SCUBE3: variants seen among roughly 807,000 people sequenced by gnomAD.
The protein encoded by SCUBE3 is signal peptide, CUB and EGF-like domain-containing protein 3.
SCUBE3 carries 33 observed loss-of-function variants against 116.8 expected under a neutral mutation model. That is an observed-to-expected ratio of 0.28 (90% confidence interval 0.21 to 0.38). The LOEUF (loss-of-function observed/expected upper bound fraction) is 0.38. Among genes scored for constraint, SCUBE3 ranks in the 10% least tolerant of loss-of-function variants. The pLI is 1.00. For synonymous variants in SCUBE3, 418 were observed against 496.9 expected, an observed-to-expected ratio of 0.84 and a Z score of 2.11; for missense variants, 1,007 against 1,324.8, an observed-to-expected ratio of 0.76 and a Z score of 3.72.
intron 7 of SCUBE3, 56 bp downstream of exon 7, chr6:35,238,074 G>A: frequency 9.6e-7 from 1 of 1,037,712 alleles, no homozygotes; most frequent in South Asian, 1.4e-5. Flanking sequence ...GCTGAGGTTG[G>A]GACCAGAGAT....
chr6:35,219,277 C>T lies in SCUBE3; in HGVS notation c.85+4774C>T, dbSNP rs532910878. On this transcript the variant is annotated intron_variant, in intron 1 of 21. Transcript: ENST00000274938. The surrounding 1 kb of genome is among the most constrained non-coding windows in gnomAD (Gnocchi z 4.7). ...AGTTGGGAAGTGGAGCTGAAATATC[C>T]GTGTTATGGGAACTGAATATTCTTG... 3.3e-5 allele frequency among the ~76,000 whole-genome samples: 5 copies of T among 152,128 alleles called. No homozygotes were observed. The highest frequency in any genetic ancestry group is 6.6e-5 in the Admixed American group (1 of 15,260).
Position 35,245,862 on chromosome 6 carries a change from C to A in SCUBE3, c.2600-82C>A, listed in dbSNP as rs2150315771. On this transcript the variant is annotated intron_variant, in intron 19 of 21. Coordinates refer to ENST00000274938, the MANE Select transcript of SCUBE3 (RefSeq NM_152753.4). This position sits in a 1 kb window ranked among gnomAD's most constrained non-coding sequence, Gnocchi z 4.2. ...ATGATTCTCTTGCCCTATACCCCCA[C>A]CACCAGCTGTACAGCCCACGTTCTA... 6.9e-7 allele frequency: 1 copy of A among 1,447,702 alleles called. No homozygotes were observed. Among genetic ancestry groups the A allele is most frequent in the Non-Finnish European group, 9.5e-7 (1 of 1,050,120 alleles). The allele number at this position is 1,447,702 out of a possible 1,614,324, so 89.7% of individuals were successfully genotyped here. A position where few individuals can be genotyped will look rare whatever the true frequency, so the allele number is the denominator to read the frequency against.
chr6:35,242,760 T>G lies in SCUBE3; in HGVS notation c.1673T>G (p.Val558Gly), dbSNP rs747731995. ...TRLTLELEAE[V>G]RAEETTASCG... is the part of the protein sequence containing the mutation. ...CTCACCCTGGAACTGGAGGCAGAGG[T>G]CAGAGCCGAAGAAACCACAGGTGGG... Residue 558 changes from valine (V) to glycine (G), a missense_variant, in exon 14 of 22, where the codon GTC becomes GGC. Val to Gly is a moderately radical substitution (Grantham distance 109). This residue lies in a region of SCUBE3 where 544 missense variants were observed against 638.9 expected (regional missense o/e 0.85). Coordinates refer to ENST00000274938, the MANE Select transcript of SCUBE3 (RefSeq NM_152753.4). 6.2e-7 allele frequency: 1 copy of G among 1,613,340 alleles called. No homozygotes were observed. Among genetic ancestry groups the G allele is most frequent in the Admixed American group, 1.7e-5 (1 of 59,980 alleles).
chr6:35,241,497 G>A lies in SCUBE3; in HGVS notation c.1196-46G>A. The A allele has an allele frequency of 7.3e-7, 1 of 1,374,650 alleles. No homozygotes were observed. 85.2% of individuals were successfully genotyped at this position (1,374,650 alleles called of 1,614,324 possible). ...TGATTCCTCCAAATTACCCAACTGA[G>A]GGAAAGGAATGCATTCATTTGCTCA... On this transcript the variant is annotated intron_variant, in intron 10 of 21. Coordinates refer to ENST00000274938, the MANE Select transcript of SCUBE3 (RefSeq NM_152753.4). This position sits in a 1 kb window ranked among gnomAD's most constrained non-coding sequence, Gnocchi z 4.1.
chr6:35,247,710 T>G (rs1784405833), intron 21 of SCUBE3, among the ~76,000 whole-genome samples: 1 of 152,176 alleles, frequency 6.6e-6, no homozygotes, highest in South Asian at 2.1e-4. Flanking sequence ...CTGATTAAAG[T>G]GGGGTAAGAG....
In SCUBE3 at chr6:35,214,477, C is replaced by G. The variant is rs1782807002; in HGVS notation, c.59C>G (p.Ala20Gly). 1 of 1,505,614 alleles carries G rather than the reference C, an allele frequency of 6.6e-7. No homozygotes were observed. Among genetic ancestry groups the G allele is most frequent in the Non-Finnish European group, 8.8e-7 (1 of 1,131,300 alleles). The allele number at this position is 1,505,614 out of a possible 1,614,324, so 93.3% of individuals were successfully genotyped here. The stretch of plus-strand genomic sequence containing the variant: ...CTTGTCCTGCTGGTCCACGCCCGCG[C>G]CGCCCAGTACAGCAAAGCCGCGCAA... The part of the protein sequence containing the change: ...CLLVLLVHAR[A>G]AQYSKAAQDV... The change falls in exon 1 of 22, where the codon GCC becomes GGC. Residue 20 changes from alanine (A) to glycine (G), a missense_variant. Physicochemically the swap from Ala to Gly is moderately conservative, Grantham distance 60. This residue lies in a region of SCUBE3 where 94 missense variants were observed against 92.0 expected (regional missense o/e 1.02). Coordinates refer to ENST00000274938, the MANE Select transcript of SCUBE3 (RefSeq NM_152753.4). This position sits in a 1 kb window ranked among gnomAD's most constrained non-coding sequence, Gnocchi z 6.3.
intron 21 of SCUBE3, among the ~76,000 whole-genome samples, chr6:35,246,646 C>G (rs765977792): frequency 3.3e-5 from 5 of 152,214 alleles, no homozygotes; most frequent in African/African-American, 9.6e-5. Flanking sequence ...GCATAAGTCC[C>G]TTCCTTCCCC....
chr6:35,245,886 T>C lies in SCUBE3; in HGVS notation c.2600-58T>C. ...ACCACCAGCTGTACAGCCCACGTTCTAGGAGGGCTTGGGTAGCCTGCCCTG... is the reference window on the plus strand; with the variant it reads ...ACCACCAGCTGTACAGCCCACGTTCCAGGAGGGCTTGGGTAGCCTGCCCTG... On this transcript the variant is annotated intron_variant, in intron 19 of 21. Transcript: ENST00000274938. This position sits in a 1 kb window ranked among gnomAD's most constrained non-coding sequence, Gnocchi z 4.2. 6.3e-7 allele frequency: 1 copy of C among 1,588,248 alleles called. No homozygotes were observed. Among genetic ancestry groups the C allele is most frequent in the Non-Finnish European group, 8.6e-7 (1 of 1,162,204 alleles).
intron 2 of SCUBE3, 113 bp downstream of exon 2, chr6:35,227,815 A>C: frequency 3.6e-6 from 4 of 1,122,900 alleles, no homozygotes; most frequent in African/African-American, 1.5e-5. Context: ...TCCACTGGTC[A>C]AGTGGTGGGG....
rs1050766582 is a variant in SCUBE3, at chr6:35,245,841, T to G, written c.2600-103T>G. 3.3e-6 allele frequency: 4 copies of G among 1,221,962 alleles called. No individual in the cohort carries two copies. The South Asian group carries it at 5.7e-5, about 17-fold the overall frequency. The allele number at this position is 1,221,962 out of a possible 1,614,324, so 75.7% of individuals were successfully genotyped here. A position where few individuals can be genotyped will look rare whatever the true frequency, so the allele number is the denominator to read the frequency against. On this transcript the variant is annotated intron_variant, in intron 19 of 21. Transcript: ENST00000274938. The surrounding 1 kb of genome is among the most constrained non-coding windows in gnomAD (Gnocchi z 4.2). ...GAAGGGGGAGCCTTTGTCAGAATGA[T>G]TCTCTTGCCCTATACCCCCACCACC...
intron 7 of SCUBE3, among the ~76,000 whole-genome samples, chr6:35,238,736 G>A (rs1783888877): frequency 6.6e-6 from 1 of 152,220 alleles, no homozygotes; most frequent in Non-Finnish European, 1.5e-5. Flanking sequence ...TAATTAGCCA[G>A]GTCTGAGGGA....
chr6:35,252,760 C>T lies in SCUBE3; in HGVS notation c.*4055C>T, dbSNP rs1784597631. 1.3e-5 allele frequency: 2 copies of T among 152,342 alleles called. No individual in the cohort carries two copies. Among genetic ancestry groups the T allele is most frequent in the South Asian group, 4.1e-4 (2 of 4,826 alleles). The allele number at this position is 152,342 out of a possible 1,614,324, so 9.4% of individuals were successfully genotyped here. On this transcript the variant is annotated 3_prime_UTR_variant, in exon 22 of 22. Coordinates refer to ENST00000274938, the MANE Select transcript of SCUBE3 (RefSeq NM_152753.4). The stretch of plus-strand genomic sequence containing the variant: ...CCCAGTTGTCATCAGCTTTTTTAGA[C>T]ACCACAGGTTGTAGCAGTTTGAACA...
chr6:35,220,771 C>T (rs1250796559), intron 1 of SCUBE3: 1 of 152,198 alleles, frequency 6.6e-6, no homozygotes, highest in Non-Finnish European at 1.5e-5. Flanking sequence ...GGAGAGGATA[C>T]TGTTTTTAAA....
Position 35,239,668 on chromosome 6 carries a change from C to T in SCUBE3, c.830-84C>T. 7.5e-7 allele frequency: 1 copy of T among 1,327,110 alleles called. No homozygotes were observed. Among genetic ancestry groups the T allele is most frequent in the South Asian group, 1.3e-5 (1 of 78,396 alleles). 82.2% of individuals were successfully genotyped at this position (1,327,110 alleles called of 1,614,324 possible). A position where few individuals can be genotyped will look rare whatever the true frequency, so the allele number is the denominator to read the frequency against. On this transcript the variant is annotated intron_variant, in intron 7 of 21. Coordinates refer to ENST00000274938, the MANE Select transcript of SCUBE3 (RefSeq NM_152753.4). The surrounding 1 kb of genome is among the most constrained non-coding windows in gnomAD (Gnocchi z 4.1). Reference sequence around the variant, plus strand: ...AGGACTCCTTGATTTTTGCATGTCTCTGTCAGTGAGGGAGGGATCTTTCTC... The same window carrying T: ...AGGACTCCTTGATTTTTGCATGTCTTTGTCAGTGAGGGAGGGATCTTTCTC...
chr6:35,241,041 G>A lies in SCUBE3; in HGVS notation c.1070-100G>A. The A allele has an allele frequency of 8.8e-7, 1 of 1,138,096 alleles. No individual in the cohort carries two copies. The highest frequency in any genetic ancestry group is 1.3e-6 in the Non-Finnish European group (1 of 789,856). The allele number at this position is 1,138,096 out of a possible 1,614,324, so 70.5% of individuals were successfully genotyped here. On this transcript the variant is annotated intron_variant, in intron 9 of 21. Coordinates refer to ENST00000274938, the MANE Select transcript of SCUBE3 (RefSeq NM_152753.4). The surrounding 1 kb of genome is among the most constrained non-coding windows in gnomAD (Gnocchi z 4.1). ...ACTTATTCATCTTGCGTAATGCAGGGTACCTGAAACTCTAACCAAAGGCCC... is the reference window on the plus strand; with the variant it reads ...ACTTATTCATCTTGCGTAATGCAGGATACCTGAAACTCTAACCAAAGGCCC...
chr6:35,227,616 A>G lies in SCUBE3; in HGVS notation c.122A>G (p.His41Arg). The part of the protein sequence containing the change: ...DECVEGTDNC[H>R]IDAICQNTPR... Reference sequence around the variant, plus strand: ...TGTGTGGAGGGGACTGACAACTGCCACATCGATGCTATCTGCCAGAACACC... The same window carrying G: ...TGTGTGGAGGGGACTGACAACTGCCGCATCGATGCTATCTGCCAGAACACC... The change falls in exon 2 of 22, where the codon CAC becomes CGC. Residue 41 changes from histidine (H) to arginine (R), a missense_variant. His to Arg is a conservative substitution (Grantham distance 29, BLOSUM62 0). This residue lies in a region of SCUBE3 where 94 missense variants were observed against 92.0 expected (regional missense o/e 1.02). Coordinates refer to ENST00000274938, the MANE Select transcript of SCUBE3 (RefSeq NM_152753.4). 6.2e-7 allele frequency: 1 copy of G among 1,614,100 alleles called. No homozygotes were observed. The highest frequency in any genetic ancestry group is 1.1e-5 in the South Asian group (1 of 91,076).
chr6:35,239,999 C>A lies in SCUBE3; in HGVS notation c.952+125C>A. On this transcript the variant is annotated intron_variant, in intron 8 of 21. Coordinates refer to ENST00000274938, the MANE Select transcript of SCUBE3 (RefSeq NM_152753.4). The surrounding 1 kb of genome is among the most constrained non-coding windows in gnomAD (Gnocchi z 4.1). ...CACACAGAGTCTCTAGAGGCAGTGT[C>A]ATCCTGCAAATTAGCAAATGGTACT... 1 of 813,468 alleles carries A rather than the reference C, an allele frequency of 1.2e-6. No homozygotes were observed. Among genetic ancestry groups the A allele is most frequent in the Non-Finnish European group, 1.8e-6 (1 of 545,484 alleles). The allele number at this position is 813,468 out of a possible 1,614,324, so 50.4% of individuals were successfully genotyped here.
intron 1 of SCUBE3, among the ~76,000 whole-genome samples, chr6:35,215,431 C>A (rs1782846997): frequency 6.6e-6 from 1 of 152,170 alleles, no homozygotes; most frequent in Non-Finnish European, 1.5e-5. Flanking sequence ...TGTACCCCTC[C>A]CCCATCGTGT....
rs1439015507 is a variant in SCUBE3 at position 35,241,137 on chromosome 6, C to T, written c.1070-4C>T. ...TTTTTCTGTCTCCCTACTCCTTCCC[C>T]CAGATGTGGATGAATGCAGCATCAA... On this transcript the variant is annotated splice_region_variant and splice_polypyrimidine_tract_variant and intron_variant, in intron 9 of 21. Transcript: ENST00000274938. This position sits in a 1 kb window ranked among gnomAD's most constrained non-coding sequence, Gnocchi z 4.1. The T allele has an allele frequency of 1.9e-6, 3 of 1,589,950 alleles. No homozygotes were observed. The African/African-American group carries it at 4.0e-5, about 21-fold the overall frequency.
Sources: gnomAD v4.1 joint callset for allele counts (sites outside exome capture counted in the v4.1 genomes callset) on GRCh38, gnomAD v4.1.1 for gene constraint, gnomAD v4.1.1 regional missense constraint, Gnocchi (gnomAD v3.1) non-coding constraint, MANE v1.5 for transcripts, NCBI Gene and HGNC (gene_info 2026-07-23, HGNC 2026-07-21) for gene names.